CDH8: variants seen among roughly 807,000 people sequenced by gnomAD.
CDH8 encodes cadherin-8.
A neutral mutation model predicts 68.1 loss-of-function variants in CDH8; 17 were observed. The ratio of observed to expected loss-of-function variants is 0.25; its 90% CI spans 0.17 to 0.37. CDH8 has a LOEUF of 0.37. Among genes scored for constraint, CDH8 ranks in the 10% least tolerant of loss-of-function variants. CDH8 has a pLI of 1.00. For missense variants in CDH8, 763 were observed against 999.3 expected (o/e 0.76, Z 3.19); for synonymous variants, 372 against 365.1 (o/e 1.02, Z -0.21).
chr16:61,835,402 G>A (rs1201608474), intron 4 of CDH8, among the ~76,000 whole-genome samples: 1 of 151,680 alleles, frequency 6.6e-6, no homozygotes, highest in Admixed American at 6.6e-5. Context: ...TGAAATCCCT[G>A]CAAGTGAATT....
chr16:61,912,446 G>A (rs985051773), intron 2 of CDH8, among the ~76,000 whole-genome samples: 1 of 152,008 alleles, frequency 6.6e-6, no homozygotes, highest in Non-Finnish European at 1.5e-5. Context: ...TCACATTTTC[G>A]AGTTTCTGTC....
intron 10 of CDH8, among the ~76,000 whole-genome samples, chr16:61,701,467 TAA>T (rs1964427160): frequency 6.6e-6 from 1 of 152,248 alleles, no homozygotes; most frequent in African/African-American, 2.4e-5. Flanking sequence ...CTTTTTATTT[TAA>T]AAGTTTAATA....
At chr16:61,970,916 T>G (rs746697346) in intron 2 of CDH8, among the ~76,000 whole-genome samples, 10 of 152,196 alleles carry the variant, frequency 6.6e-5, no homozygotes, top group Admixed American at 1.3e-4. Flanking sequence ...ATTCCACCAT[T>G]GTGATTTGTT....
intron 10 of CDH8, among the ~76,000 whole-genome samples, chr16:61,679,443 C>T (rs187786158): frequency 4.6e-5 from 7 of 152,052 alleles, no homozygotes; most frequent in Admixed American, 3.9e-4. Context: ...TCTGGGCAGA[C>T]CATGCAATTA....
chr16:61,786,967 G>GA (rs201145517), intron 8 of CDH8, among the ~76,000 whole-genome samples: 18,683 of 102,734 alleles, frequency 0.18, 2,099 homozygotes, highest in African/African-American at 0.32. Context: ...TTAAACGTTA[G>GA]ACCTAAAACC....
At chr16:61,672,592 T>C (rs1963820355) in intron 10 of CDH8, among the ~76,000 whole-genome samples, 1 of 152,072 alleles carries the variant, frequency 6.6e-6, no homozygotes, top group Non-Finnish European at 1.5e-5. Context: ...ATAGTAGTTA[T>C]TATTACCATA....
Position 61,901,408 on chromosome 16 carries a change from C to T in CDH8, c.318G>A (p.Gly106=), listed in dbSNP as rs774185569. 5 of 1,613,594 alleles carry T rather than the reference C, an allele frequency of 3.1e-6. No individual in the cohort carries two copies. The highest frequency in any genetic ancestry group is 2.2e-5 in the East Asian group (1 of 44,878). Residue 106 remains glycine, a synonymous_variant, in exon 3 of 12, where the codon GGG becomes GGA. Coordinates refer to ENST00000577390, the MANE Select transcript of CDH8 (RefSeq NM_001796.5). ...TTACATCATTTATTTGAAATATGGT[C>T]CCAGCTCCATCACCTGATAGGATAT... is the stretch of plus-strand genomic sequence containing the variant. The part of the protein sequence containing the change: ...IKYILSGDGA[G]TIFQINDVTG...
At chr16:61,796,934 G>A (rs991242887) in intron 7 of CDH8, among the ~76,000 whole-genome samples, 9 of 152,034 alleles carry the variant, frequency 5.9e-5, no homozygotes, top group African/African-American at 2.2e-4. Context: ...ATGGCCAACT[G>A]AATATTATTG....
intron 9 of CDH8, among the ~76,000 whole-genome samples, chr16:61,719,128 A>ATT (rs34234878): frequency 1.0e-3 from 141 of 139,544 alleles, no homozygotes; most frequent in Middle Eastern, 3.7e-3. Flanking sequence ...TGAGCTCACC[A>ATT]TTTTTTTTTT....
At chr16:61,694,321 T>G (rs749456543) in intron 10 of CDH8, among the ~76,000 whole-genome samples, 7 of 152,212 alleles carry the variant, frequency 4.6e-5, no homozygotes, top group Non-Finnish European at 1.0e-4. Context: ...TGAGTTCTAT[T>G]ATGAGCAATA....
chr16:61,957,702 C>T (rs1965009795), intron 2 of CDH8, among the ~76,000 whole-genome samples: 1 of 152,160 alleles, frequency 6.6e-6, no homozygotes, highest in Non-Finnish European at 1.5e-5. Context: ...AACACAGATC[C>T]TTAGGACTTG....
chr16:61,689,417 C>A (rs1555503001), intron 10 of CDH8, among the ~76,000 whole-genome samples: 1 of 151,968 alleles, frequency 6.6e-6, no homozygotes, highest in Non-Finnish European at 1.5e-5. Flanking sequence ...GTCAGCCAAA[C>A]TCTACCCCAA....
chr16:61,721,881 T>C (rs1007372341), intron 9 of CDH8, among the ~76,000 whole-genome samples: 24 of 150,790 alleles, frequency 1.6e-4, no homozygotes, highest in Non-Finnish European at 3.1e-4. Context: ...GTCTCAGCTT[T>C]TATATCTATA....
At chr16:62,011,282 C>T (rs1282787335) in intron 2 of CDH8, among the ~76,000 whole-genome samples, 1 of 152,132 alleles carries the variant, frequency 6.6e-6, no homozygotes, top group Non-Finnish European at 1.5e-5. Context: ...GTCCATGGAA[C>T]TGAGCAGACA....
chr16:61,781,841 A>G (rs1961065076), intron 8 of CDH8, among the ~76,000 whole-genome samples: 1 of 152,200 alleles, frequency 6.6e-6, no homozygotes, highest in South Asian at 2.1e-4. Context: ...CACTTCTAAC[A>G]AACCAAAATC....
intron 4 of CDH8, among the ~76,000 whole-genome samples, chr16:61,832,546 A>C (rs950521841): frequency 6.6e-6 from 1 of 151,908 alleles, no homozygotes; most frequent in African/African-American, 2.4e-5. Context: ...AGCAATCAAA[A>C]GCTTGTTTAT....
chr16:61,807,637 T>G (rs1961826873), intron 7 of CDH8, among the ~76,000 whole-genome samples: 1 of 152,100 alleles, frequency 6.6e-6, no homozygotes, highest in Admixed American at 6.5e-5. Context: ...GTGAGGGGCG[T>G]GGTCAGGAGA....
At position 61,873,278 on chromosome 16, in the gene CDH8, C is replaced by T. The variant is rs77639060; in HGVS notation, c.548-16040G>A. 0.021 allele frequency among the ~76,000 whole-genome samples: 3,260 copies of T among 152,206 alleles called. 234 individuals are homozygous for T. In the East Asian group the frequency reaches 0.23, roughly 11 times the overall value. Reference sequence around the variant, plus strand: ...AATTAGGTTGAAGTTTTTTCAACCACTTTTATTTGGTGGCATATCCCCCAC... The same window carrying T: ...AATTAGGTTGAAGTTTTTTCAACCATTTTTATTTGGTGGCATATCCCCCAC... On this transcript the variant is annotated intron_variant, in intron 3 of 11. Coordinates refer to ENST00000577390, the MANE Select transcript of CDH8 (RefSeq NM_001796.5).
chr16:61,705,921 A>C (rs1964520914), intron 10 of CDH8, among the ~76,000 whole-genome samples: 1 of 152,250 alleles, frequency 6.6e-6, no homozygotes, highest in Non-Finnish European at 1.5e-5. Flanking sequence ...AGGAAAACAA[A>C]AATATACTGT....
Sources: allele counts gnomAD v4.1 joint callset (sites outside exome capture counted in the v4.1 genomes callset), GRCh38; gene constraint gnomAD v4.1.1; transcripts MANE v1.5; gene names NCBI Gene and HGNC (gene_info 2026-07-23, HGNC 2026-07-21).